Variants in ANO10 observed in about 807,000 individuals in gnomAD.
ANO10 encodes the protein anoctamin 10, also known as anoctamin-10.
A neutral mutation model predicts 74.7 loss-of-function variants in ANO10; 77 were observed. That is an observed-to-expected ratio of 1.03 (90% CI 0.86 to 1.25). The LOEUF is 1.25. Among genes scored for constraint, ANO10 ranks in the 50% most tolerant of loss-of-function variants. The probability of loss-of-function intolerance (pLI) is 0.00; values close to 1 mark genes in which losing one functional copy is unlikely to be tolerated. For missense variants in ANO10, 721 were observed against 778.1 expected, an observed-to-expected ratio of 0.93 and a Z score of 0.87; for synonymous variants, 279 against 284.9, an observed-to-expected ratio of 0.98 and a Z score of 0.21.
At chr3:43,671,078 T>C (rs2084053689) in intron 1 of ANO10, among the ~76,000 whole-genome samples, 1 of 152,174 alleles carries the variant, frequency 6.6e-6, no homozygotes, top group African/African-American at 2.4e-5. Flanking sequence ...TGATTTCCCA[T>C]TTATATGATG....
chr3:43,402,368 T>A (rs945940932), intron 12 of ANO10, among the ~76,000 whole-genome samples: 1 of 152,204 alleles, frequency 6.6e-6, no homozygotes, highest in African/African-American at 2.4e-5. Context: ...CTTGCCTAGA[T>A]GTGGTATTTA....
intron 11 of ANO10, among the ~76,000 whole-genome samples, chr3:43,542,418 C>T (rs1416621860): frequency 6.6e-6 from 1 of 152,156 alleles, no homozygotes; most frequent in Non-Finnish European, 1.5e-5. Flanking sequence ...CAAACTGTAA[C>T]ACAGACGGAA....
intron 11 of ANO10, among the ~76,000 whole-genome samples, chr3:43,462,381 C>T (rs1160032843): frequency 1.3e-5 from 2 of 152,120 alleles, no homozygotes; most frequent in African/African-American, 4.8e-5. Flanking sequence ...AGGCACCCAC[C>T]ACCACACCTG....
chr3:43,553,327 T>C (rs903817779), intron 10 of ANO10, among the ~76,000 whole-genome samples: 1 of 151,942 alleles, frequency 6.6e-6, no homozygotes, highest in Admixed American at 6.6e-5. Context: ...CAATGCTTCT[T>C]GAATCTGCAG....
rs771653072 is a variant in ANO10, at chr3:43,432,696, G to T, written c.1829C>A (p.Ala610Glu). 1 of 1,613,690 alleles carries T rather than the reference G, an allele frequency of 6.2e-7. No homozygotes were observed. Among genetic ancestry groups the T allele is most frequent in the Non-Finnish European group, 8.5e-7 (1 of 1,179,872 alleles). The stretch of plus-strand genomic sequence containing the variant: ...CCGTGGCTTATCAGGTATGGCAAAT[G>T]CAAGTATAAACTTTAAAGCCAGGAG... ...HALLALKFIL[A>E]FAIPDKPRHI... The change falls in exon 12 of 13, where the codon GCA (alanine) becomes GAA (glutamate). Residue 610 changes from alanine (A) to glutamate (E), a missense_variant. Transcript: ENST00000292246.
At chr3:43,491,597 C>T (rs1015229150) in intron 11 of ANO10, among the ~76,000 whole-genome samples, 5 of 152,078 alleles carry the variant, frequency 3.3e-5, no homozygotes, top group African/African-American at 9.7e-5. Flanking sequence ...ACCTCTTCCA[C>T]CAAGTGTACT....
chr3:43,495,813 C>T (rs2076893530), intron 11 of ANO10, among the ~76,000 whole-genome samples: 1 of 152,054 alleles, frequency 6.6e-6, no homozygotes, highest in Non-Finnish European at 1.5e-5. Context: ...CATTCTCCTG[C>T]CTCAGCCTCC....
intron 12 of ANO10, among the ~76,000 whole-genome samples, chr3:43,428,938 G>A (rs1237373135): frequency 6.6e-6 from 1 of 151,518 alleles, no homozygotes; most frequent in East Asian, 1.9e-4. Flanking sequence ...CTGGTCCTAA[G>A]CACTTTGGAT....
intron 9 of ANO10, among the ~76,000 whole-genome samples, chr3:43,560,955 T>C (rs193277446): frequency 2.0e-5 from 3 of 152,350 alleles, no homozygotes; most frequent in East Asian, 3.9e-4. Flanking sequence ...TATTCTACCC[T>C]GCTCTCCGCA....
chr3:43,419,493 C>T (rs1575734714), intron 12 of ANO10, among the ~76,000 whole-genome samples: 1 of 151,186 alleles, frequency 6.6e-6, no homozygotes, highest in East Asian at 1.9e-4. Context: ...TTTTGTGTTT[C>T]AATCATAGAT....
intron 12 of ANO10, among the ~76,000 whole-genome samples, chr3:43,428,391 A>T (rs1385297078): frequency 6.6e-6 from 1 of 152,110 alleles, no homozygotes; most frequent in Non-Finnish European, 1.5e-5. Context: ...TTAAAAGAAA[A>T]AAATTTAGTG....
intron 7 of ANO10, among the ~76,000 whole-genome samples, chr3:43,570,474 A>C (rs1316890615): frequency 6.6e-6 from 1 of 152,188 alleles, no homozygotes; most frequent in Admixed American, 6.5e-5. Context: ...TGGTACTGGT[A>C]CCAAAACAGA....
At position 43,582,648 on chromosome 3, in the gene ANO10, G is replaced by A. The variant is rs190878571; in HGVS notation, c.473-2176C>T. On this transcript the variant is annotated intron_variant, in intron 4 of 12. Coordinates refer to ENST00000292246, the MANE Select transcript of ANO10 (RefSeq NM_018075.5). ...CTGAAAAAAAAGATTCTTCATATAT[G>A]TTTCTTCCCACAATTATATTTTCAT... 5.3e-3 allele frequency among the ~76,000 whole-genome samples: 800 copies of A among 152,244 alleles called. 12 individuals carry two copies. The highest frequency in any genetic ancestry group is 0.013 in the Admixed American group (205 of 15,300).
At chr3:43,614,801 A>ATATATATATCTATATATATG (rs61457264) in intron 1 of ANO10, among the ~76,000 whole-genome samples, 1 of 99,386 alleles carries the variant, frequency 1.0e-5, no homozygotes, top group South Asian at 4.0e-4. Context: ...ATATATATAT[A>ATATATATATCTATATATATG]TAGGTTCATT....
intron 1 of ANO10, among the ~76,000 whole-genome samples, chr3:43,631,211 T>C (rs1175449674): frequency 1.3e-5 from 2 of 152,232 alleles, no homozygotes; most frequent in Admixed American, 1.3e-4. Flanking sequence ...CTGGTTAGGA[T>C]CTGGCTTTGT....
At chr3:43,394,599 C>A (rs1420971007) in intron 12 of ANO10, among the ~76,000 whole-genome samples, 1 of 152,184 alleles carries the variant, frequency 6.6e-6, no homozygotes, top group South Asian at 2.1e-4. Context: ...AACAACAACG[C>A]CCTTACACTT....
In ANO10 at chr3:43,513,113, A is replaced by C. The variant is rs998162468; in HGVS notation, c.1797+36607T>G. On this transcript the variant is annotated intron_variant, in intron 11 of 12. Coordinates refer to ENST00000292246, the MANE Select transcript of ANO10 (RefSeq NM_018075.5). ...TTTTCAGTAGAGGTCTTACCAGCAC[A>C]CGTATGTGAGGAAACTATCTGAGGT... 5.3e-5 allele frequency among the ~76,000 whole-genome samples: 8 copies of C among 152,186 alleles called. No individual in the cohort carries two copies. The South Asian group carries it at 6.2e-4, about 12-fold the overall frequency.
At chr3:43,425,007 C>A (rs373072807) in intron 12 of ANO10, among the ~76,000 whole-genome samples, 2 of 152,104 alleles carry the variant, frequency 1.3e-5, no homozygotes, top group East Asian at 3.8e-4. Context: ...AAGTAGACCA[C>A]CCCTTCCTAA....
At chr3:43,564,946 T>A (rs1455511245) in intron 8 of ANO10, among the ~76,000 whole-genome samples, 1 of 152,222 alleles carries the variant, frequency 6.6e-6, no homozygotes, top group Non-Finnish European at 1.5e-5. Flanking sequence ...CACTATTACA[T>A]GGGACCACTG....
Sources: gnomAD v4.1 joint callset for allele counts (sites outside exome capture counted in the v4.1 genomes callset) on GRCh38, gnomAD v4.1.1 for gene constraint, MANE v1.5 for transcripts, NCBI Gene and HGNC (gene_info 2026-07-23, HGNC 2026-07-21) for gene names.